Variants in OTUD7A observed in about 807,000 individuals in gnomAD.
The protein encoded by OTUD7A is OTU domain-containing protein 7A.
A neutral mutation model predicts 65.7 loss-of-function variants in OTUD7A; 12 were observed. The observed-to-expected ratio is 0.18, with a 90% CI of 0.12 to 0.30. OTUD7A has a LOEUF of 0.30. Ranked by LOEUF, OTUD7A falls within the 10% of genes least tolerant of loss-of-function variation. The pLI is 1.00. For synonymous variants in OTUD7A, 641 were observed against 586.3 expected (o/e 1.09, Z -1.35); for missense variants, 1,148 against 1,304.8 (o/e 0.88, Z 1.85).
chr15:31,607,330 GA>G (rs1890266586), intron 3 of OTUD7A, among the ~76,000 whole-genome samples: 1 of 152,108 alleles, frequency 6.6e-6, no homozygotes. Context: ...CTGGGAACTT[GA>G]AGGGCTATAC....
chr15:31,739,415 G>C (rs528161914), intron 1 of OTUD7A, among the ~76,000 whole-genome samples: 2 of 152,146 alleles, frequency 1.3e-5, no homozygotes, highest in Non-Finnish European at 2.9e-5. Context: ...TATCTTAAAA[G>C]TAGTCACAAG....
intron 8 of OTUD7A, among the ~76,000 whole-genome samples, chr15:31,508,826 T>G (rs746442141): frequency 6.6e-6 from 1 of 152,404 alleles, no homozygotes; most frequent in East Asian, 1.9e-4. Flanking sequence ...CCATTTCTGC[T>G]TAGCGTTGCC....
chr15:31,499,424 A>T (rs764061143), intron 10 of OTUD7A, among the ~76,000 whole-genome samples: 3 of 152,152 alleles, frequency 2.0e-5, no homozygotes, highest in Non-Finnish European at 4.4e-5. Flanking sequence ...AGGTCCTGCG[A>T]CTTTGCGGTC....
At chr15:31,662,404 T>C (rs1251381970) in intron 1 of OTUD7A, among the ~76,000 whole-genome samples, 2 of 152,208 alleles carry the variant, frequency 1.3e-5, no homozygotes, top group African/African-American at 4.8e-5. Context: ...TTTTGAAATA[T>C]TTTGCATTCG....
chr15:31,839,291 A>G (rs1459409654), intron 1 of OTUD7A, among the ~76,000 whole-genome samples: 1 of 152,218 alleles, frequency 6.6e-6, no homozygotes, highest in Non-Finnish European at 1.5e-5. Flanking sequence ...TGACAAAGCC[A>G]CAAGGCAGTG....
At chr15:31,540,616 T>G (rs1023831238) in intron 5 of OTUD7A, among the ~76,000 whole-genome samples, 2 of 152,222 alleles carry the variant, frequency 1.3e-5, no homozygotes, top group Non-Finnish European at 2.9e-5. Context: ...GAACATTATA[T>G]TATTTAATAT....
At chr15:31,752,737 G>A (rs34592760) in intron 1 of OTUD7A, among the ~76,000 whole-genome samples, 30,383 of 152,028 alleles carry the variant, frequency 0.2, 3,463 homozygotes, top group Admixed American at 0.28. Flanking sequence ...GAATATGAAT[G>A]TTGACTGGAA....
chr15:31,741,429 C>A (rs1431963872), intron 1 of OTUD7A, among the ~76,000 whole-genome samples: 1 of 152,096 alleles, frequency 6.6e-6, no homozygotes, highest in Non-Finnish European at 1.5e-5. Context: ...TGCTGCACCC[C>A]AGAACTTCAT....
chr15:31,756,838 C>T (rs1894829296), intron 1 of OTUD7A, among the ~76,000 whole-genome samples: 1 of 152,302 alleles, frequency 6.6e-6, no homozygotes, highest in South Asian at 2.1e-4. Context: ...GCGGACCTAA[C>T]AACTACTCAG....
At chr15:31,640,650 CAT>C (rs1232926324) in intron 3 of OTUD7A, among the ~76,000 whole-genome samples, 14 of 152,270 alleles carry the variant, frequency 9.2e-5, no homozygotes, top group African/African-American at 3.1e-4. Context: ...CAGTTGTCCA[CAT>C]ATGTGAACTA....
intron 8 of OTUD7A, among the ~76,000 whole-genome samples, chr15:31,521,368 T>G (rs1257283660): frequency 1.3e-5 from 2 of 152,232 alleles, no homozygotes; most frequent in Non-Finnish European, 2.9e-5. Context: ...GAACCATCCC[T>G]AGATAGTCAA....
intron 1 of OTUD7A, among the ~76,000 whole-genome samples, chr15:31,673,397 C>A (rs1892528259): frequency 6.6e-6 from 1 of 152,200 alleles, no homozygotes; most frequent in Non-Finnish European, 1.5e-5. Flanking sequence ...TAGAAAACTA[C>A]AATCTTGCAA....
At chr15:31,546,639 G>A (rs557316013) in intron 5 of OTUD7A, among the ~76,000 whole-genome samples, 64 of 152,182 alleles carry the variant, frequency 4.2e-4, no homozygotes, top group Non-Finnish European at 8.4e-4. Context: ...CTAGAACTGT[G>A]AGAAAATAAA....
rs141157893 is a variant in OTUD7A at position 31,595,225 on chromosome 15, G to A, written c.152-25028C>T. 5.1e-4 allele frequency among the ~76,000 whole-genome samples: 77 copies of A among 152,284 alleles called. 1 individual carries two copies. Among genetic ancestry groups the A allele is most frequent in the African/African-American group, 1.4e-3 (59 of 41,548 alleles). On this transcript the variant is annotated intron_variant, in intron 3 of 12. Coordinates refer to ENST00000307050, the MANE Select transcript of OTUD7A (RefSeq NM_001382637.1). ...AGTGTGCAGCATGGGGCCATGGTAA[G>A]GACGCAAGATTTTACCTTGGAAGAG... is the stretch of plus-strand genomic sequence containing the variant.
chr15:31,667,157 G>A (rs1262134932), intron 1 of OTUD7A, among the ~76,000 whole-genome samples: 1 of 152,156 alleles, frequency 6.6e-6, no homozygotes, highest in Admixed American at 6.6e-5. Flanking sequence ...TTGTTCCAAG[G>A]TATAGTTTAA....
At chr15:31,642,664 T>C (rs1394570420) in intron 3 of OTUD7A, among the ~76,000 whole-genome samples, 2 of 152,114 alleles carry the variant, frequency 1.3e-5, no homozygotes, top group Non-Finnish European at 2.9e-5. Flanking sequence ...ACTTGCTGCA[T>C]TTATTGGCAT....
intron 1 of OTUD7A, chr15:31,766,751 G>T (rs1895103281): frequency 1.2e-6 from 2 of 1,611,874 alleles, no homozygotes; most frequent in African/African-American, 2.7e-5. Context: ...GCACTGAATG[G>T]CTTTTGAATA....
chr15:31,867,615 C>A (rs974481873), intron 1 of OTUD7A, among the ~76,000 whole-genome samples: 1 of 152,196 alleles, frequency 6.6e-6, no homozygotes, highest in African/African-American at 2.4e-5. Flanking sequence ...AGGATTTCCA[C>A]GGGGTTGCCC....
chr15:31,766,499 A>G (rs1359779773), intron 1 of OTUD7A: 3 of 1,608,304 alleles, frequency 1.9e-6, no homozygotes, highest in African/African-American at 2.7e-5. Context: ...AGAGTCTTTT[A>G]TTGATTGTGG....
Sources: gnomAD v4.1 joint callset for allele counts (sites outside exome capture counted in the v4.1 genomes callset) on GRCh38, gnomAD v4.1.1 for gene constraint, MANE v1.5 for transcripts, NCBI Gene and HGNC (gene_info 2026-07-23, HGNC 2026-07-21) for gene names.